Variants in PIK3R4 observed in about 807,000 individuals in gnomAD.
PIK3R4 encodes phosphoinositide 3-kinase regulatory subunit 4.
Under a neutral mutation model 136.5 loss-of-function variants are expected in PIK3R4, and 46 were observed. The ratio of observed to expected loss-of-function variants is 0.34; its 90% CI spans 0.27 to 0.43. The LOEUF (loss-of-function observed/expected upper bound fraction) is 0.43, where lower values mean the gene tolerates loss of function less well. Ranked by LOEUF, PIK3R4 falls within the 20% of genes least tolerant of loss-of-function variation. The probability of loss-of-function intolerance (pLI) is 1.00; values close to 1 mark genes in which losing one functional copy is unlikely to be tolerated. For synonymous variants in PIK3R4, 557 were observed against 566.7 expected (o/e 0.98, Z 0.24); for missense variants, 1,331 against 1,649.5 (o/e 0.81, Z 3.35).
chr3:130,683,555 T>C (rs1346318989), intron 16 of PIK3R4, among the ~76,000 whole-genome samples: 1 of 152,142 alleles, frequency 6.6e-6, no homozygotes, highest in East Asian at 1.9e-4. Flanking sequence ...CTCACAGTAA[T>C]AGCCTTAGAA....
chr3:130,698,396 T>C (rs1261718143), intron 13 of PIK3R4, among the ~76,000 whole-genome samples: 2 of 152,192 alleles, frequency 1.3e-5, no homozygotes, highest in African/African-American at 4.8e-5. Flanking sequence ...TTCTTTATTC[T>C]TTTCTTCTTT....
Position 130,733,738 on chromosome 3 carries a change from T to C in PIK3R4, c.1260A>G (p.Pro420=). The change falls in exon 4 of 20, where the codon CCA becomes CCG. Residue 420 remains proline, a synonymous_variant. Transcript: ENST00000356763. ...SVEILLDRIT[P]YLLHFSNDSV... is the part of the protein sequence containing the mutation. ...AGTCATTGCTGAAATGCAAAAGATA[T>C]GGAGTAATACGATCCAAAAGGATTT... 1.9e-6 allele frequency: 3 copies of C among 1,614,158 alleles called. No individual in the cohort carries two copies. The highest frequency in any genetic ancestry group is 1.7e-5 in the Admixed American group (1 of 60,024).
intron 7 of PIK3R4, 23 bp from the exon 8 acceptor site, chr3:130,718,557 G>A (rs755043109): frequency 5.6e-6 from 9 of 1,612,142 alleles, no homozygotes; most frequent in Non-Finnish European, 6.8e-6. Context: ...AGAAAAGGTA[G>A]GGATCAAATA....
In PIK3R4 at chr3:130,728,501, T is replaced by C. The variant is rs1470346077; in HGVS notation, c.1769A>G (p.Asp590Gly). ...AAAAAATGCTCCACGTAGATGCCAA[T>C]CATTCTTATCATTTAGGAAAGTAAT... ...HMITFLNDKN[D>G]WHLRGAFFDS... is the part of the protein sequence containing the mutation. The change falls in exon 6 of 20, where the codon GAT becomes GGT. Residue 590 changes from aspartate (D) to glycine (G), a missense_variant. Physicochemically the swap from Asp to Gly is moderately conservative, Grantham distance 94. Around this residue, in one of 2 missense-constraint regions of PIK3R4, gnomAD observed 1,180 missense variants for 1,407.0 expected, o/e 0.84. Transcript: ENST00000356763. 1 of 1,612,876 alleles carries C rather than the reference T, an allele frequency of 6.2e-7. No individual in the cohort carries two copies. The highest frequency in any genetic ancestry group is 1.1e-5 in the South Asian group (1 of 90,844).
chr3:130,721,224 C>A (rs916650247), intron 7 of PIK3R4, among the ~76,000 whole-genome samples: 1 of 151,630 alleles, frequency 6.6e-6, no homozygotes, highest in Admixed American at 6.6e-5. Flanking sequence ...GTAGTCCCAG[C>A]TACTTGGGAG....
chr3:130,681,345 A>G (rs1404448579), intron 17 of PIK3R4, 146 bp downstream of exon 17: 2 of 647,926 alleles, frequency 3.1e-6, no homozygotes, highest in Admixed American at 2.7e-5. Flanking sequence ...TCATGTAGCA[A>G]TGGCCACATG....
intron 3 of PIK3R4, among the ~76,000 whole-genome samples, chr3:130,735,363 C>T (rs1055879366): frequency 3.3e-5 from 5 of 152,194 alleles, no homozygotes; most frequent in Admixed American, 2.0e-4. Context: ...CACACGACTC[C>T]TCACGCCCAT....
intron 6 of PIK3R4, among the ~76,000 whole-genome samples, chr3:130,724,972 G>A (rs1348078641): frequency 2.0e-5 from 3 of 151,964 alleles, no homozygotes; most frequent in Admixed American, 6.6e-5. Flanking sequence ...TTCAACTATT[G>A]TTTTTCATAC....
At chr3:130,730,508 T>C in intron 4 of PIK3R4, 66 bp from the exon 5 acceptor site, 1 of 1,159,976 alleles carries the variant, frequency 8.6e-7, no homozygotes, top group South Asian at 1.7e-5. Flanking sequence ...TTATTAACTT[T>C]TCCTCCCTGT....
At chr3:130,731,192 CAT>C (rs2066758305) in intron 4 of PIK3R4, among the ~76,000 whole-genome samples, 2 of 152,326 alleles carry the variant, frequency 1.3e-5, no homozygotes, top group South Asian at 4.1e-4. Flanking sequence ...TCCCACTTAA[CAT>C]ATGTGTTTCT....
chr3:130,727,435 G>C (rs1478864979), intron 6 of PIK3R4, among the ~76,000 whole-genome samples: 1 of 152,116 alleles, frequency 6.6e-6, no homozygotes, highest in Non-Finnish European at 1.5e-5. Context: ...GTGTTAGCCA[G>C]GATGGTCTCG....
intron 17 of PIK3R4, 52 bp downstream of exon 17, chr3:130,681,439 C>CTT (rs1224614418): frequency 6.1e-6 from 7 of 1,145,790 alleles, no homozygotes; most frequent in Admixed American, 5.3e-5. Context: ...CCTGAAAGTA[C>CTT]TTAGGATGTG....
chr3:130,745,362 G>C, intron 1 of PIK3R4, 98 bp from the exon 2 acceptor site: 1 of 787,868 alleles, frequency 1.3e-6, no homozygotes, highest in Non-Finnish European at 1.9e-6. Flanking sequence ...AAAGACAGAT[G>C]CAGCATACTT....
chr3:130,701,254 G>A (rs185408917), intron 13 of PIK3R4, among the ~76,000 whole-genome samples: 3 of 152,142 alleles, frequency 2.0e-5, no homozygotes, highest in Non-Finnish European at 2.9e-5. Context: ...GCTCACACCC[G>A]TAAACTCAGC....
intron 16 of PIK3R4, 116 bp downstream of exon 16, chr3:130,684,134 A>C: frequency 1.1e-6 from 1 of 885,212 alleles, no homozygotes; most frequent in South Asian, 1.7e-5. Flanking sequence ...ATCAGAAGAC[A>C]ATCAAGCATT....
At chr3:130,693,827 G>A (rs983593683) in intron 13 of PIK3R4, among the ~76,000 whole-genome samples, 8 of 151,960 alleles carry the variant, frequency 5.3e-5, no homozygotes, top group African/African-American at 9.7e-5. Context: ...TGTTTTTCAC[G>A]TAATTTCTCA....
At position 130,687,071 on chromosome 3, in the gene PIK3R4, GTT is replaced by G. The variant is rs35548461; in HGVS notation, c.3264-651_3264-650del. On this transcript the variant is annotated intron_variant, in intron 14 of 19. Transcript: ENST00000356763. ...ACAACCACAACTGTTTCAGATTTGGGTTTTTTTTTTTTTTTAGCATGAAACAT... is the reference window on the plus strand; with the variant it reads ...ACAACCACAACTGTTTCAGATTTGGGTTTTTTTTTTTTTAGCATGAAACAT... 5.5e-3 allele frequency among the ~76,000 whole-genome samples: 805 copies of G among 145,284 alleles called. 4 individuals are homozygous for G. Among genetic ancestry groups the G allele is most frequent in the African/African-American group, 0.019 (754 of 39,698 alleles).
chr3:130,697,158 C>T (rs895968070), intron 13 of PIK3R4, among the ~76,000 whole-genome samples: 1 of 151,212 alleles, frequency 6.6e-6, no homozygotes, highest in Admixed American at 6.6e-5. Flanking sequence ...CAACCCCCAC[C>T]TCCCGGGTTC....
chr3:130,706,038 C>T (rs1270960560), intron 11 of PIK3R4, among the ~76,000 whole-genome samples: 10 of 151,932 alleles, frequency 6.6e-5, no homozygotes, highest in Non-Finnish European at 1.5e-4. Flanking sequence ...TAACATTAAA[C>T]AAAAATTATC....
Sources: allele counts gnomAD v4.1 joint callset (sites outside exome capture counted in the v4.1 genomes callset), GRCh38; gene constraint gnomAD v4.1.1; regional missense constraint gnomAD v4.1.1; transcripts MANE v1.5; gene names NCBI Gene and HGNC (gene_info 2026-07-23, HGNC 2026-07-21).